The following DNAH17 variants were observed in gnomAD, a reference collection of about 807,000 sequenced individuals.
DNAH17 encodes axonemal beta dynein heavy chain 17.
A neutral mutation model predicts 485.6 loss-of-function variants in DNAH17; 376 were observed. The observed-to-expected ratio is 0.77, with a 90% CI of 0.71 to 0.84. The LOEUF (loss-of-function observed/expected upper bound fraction) is 0.84. Among genes scored for constraint, DNAH17 ranks in the 40% least tolerant of loss-of-function variants. The pLI is 0.00. For missense variants in DNAH17, 6,370 were observed against 5,839.3 expected, an observed-to-expected ratio of 1.09 and a Z score of -2.96; for synonymous variants, 3,031 against 2,405.9, an observed-to-expected ratio of 1.26 and a Z score of -7.60.
At chr17:78,521,189 T>C (rs1338865826) in intron 25 of DNAH17, among the ~76,000 whole-genome samples, 1 of 152,154 alleles carries the variant, frequency 6.6e-6, no homozygotes, top group Non-Finnish European at 1.5e-5. Flanking sequence ...GTGGATCGCT[T>C]GAGGTCATGA....
chr17:78,478,058 T>C (rs1177820645), intron 51 of DNAH17, among the ~76,000 whole-genome samples: 45 of 71,212 alleles, frequency 6.3e-4, no homozygotes, highest in African/African-American at 1.1e-3. Flanking sequence ...ACCATTATCA[T>C]CTCCACCATC....
Position 78,572,798 on chromosome 17 carries a change from C to G in DNAH17, c.442G>C (p.Glu148Gln). 1.2e-6 allele frequency: 2 copies of G among 1,613,920 alleles called. No individual in the cohort carries two copies. Among genetic ancestry groups the G allele is most frequent in the Non-Finnish European group, 1.7e-6 (2 of 1,179,870 alleles). The part of the protein sequence containing the change: ...IVKQVHRLKN[E>Q]MFVMSGKIKG... Reference sequence around the variant, plus strand: ...ATCTTGCCACTCATCACAAACATTTCATTCTTCAGCCTGTGGACCTGCTTC... The same window carrying G: ...ATCTTGCCACTCATCACAAACATTTGATTCTTCAGCCTGTGGACCTGCTTC... Residue 148 changes from glutamate (E) to glutamine (Q), a missense_variant, in exon 3 of 81, where the codon GAA becomes CAA. Coordinates refer to ENST00000389840, the MANE Select transcript of DNAH17 (RefSeq NM_173628.4).
chr17:78,429,101 G>GT lies in DNAH17; in HGVS notation c.12405+19dup. On this transcript the variant is annotated intron_variant, in intron 76 of 80. Transcript: ENST00000389840. ...CGAGCCTTCATTACGTTGAGCTCCT[G>GT]TTTAACTTGTCATCCTTACCTTGTA... 1 of 1,608,746 alleles carries GT rather than the reference G, an allele frequency of 6.2e-7. No homozygotes were observed. Among genetic ancestry groups the GT allele is most frequent in the Admixed American group, 1.7e-5 (1 of 59,912 alleles).
At chr17:78,469,537 G>A (rs1450262836) in intron 54 of DNAH17, among the ~76,000 whole-genome samples, 1 of 152,132 alleles carries the variant, frequency 6.6e-6, no homozygotes, top group African/African-American at 2.4e-5. Context: ...ATCAATTGAG[G>A]CCAGGAGCTC....
At chr17:78,424,348 C>T (rs567276391) in intron 80 of DNAH17, 195 bp from the exon 81 acceptor site, 39 of 621,658 alleles carry the variant, frequency 6.3e-5, no homozygotes, top group South Asian at 7.3e-5. Flanking sequence ...TACCCCGTCC[C>T]GCTGGGCTCA....
intron 66 of DNAH17, 26 bp from the exon 67 acceptor site, chr17:78,450,872 T>C: frequency 1.9e-6 from 3 of 1,611,390 alleles, no homozygotes; most frequent in Non-Finnish European, 2.5e-6. Context: ...CAGGAGTCAC[T>C]GCATTGCCTG....
In DNAH17 at chr17:78,444,762, G is replaced by A. The variant is rs747671049; in HGVS notation, c.11370C>T (p.Asp3790=). Residue 3790 remains aspartate, a synonymous_variant, in exon 71 of 81, where the codon GAC becomes GAT. Transcript: ENST00000389840. ...GCTTGGCAGATCCTTCGATGTCACT[G>A]TCCAGATTTTTGAACTCATCCATCT... ...LSEMDEFKNL[D]SDIEGSAKRW... 10 of 1,591,650 alleles carry A rather than the reference G, an allele frequency of 6.3e-6. No homozygotes were observed. In the East Asian group the frequency reaches 1.6e-4, roughly 25 times the overall value.
At chr17:78,576,295 G>A (rs891832024) in intron 1 of DNAH17, among the ~76,000 whole-genome samples, 5 of 152,300 alleles carry the variant, frequency 3.3e-5, no homozygotes, top group East Asian at 1.9e-4. Flanking sequence ...ACTATATGAT[G>A]GGAAGCAGTA....
chr17:78,472,842 C>G (rs1184084834), intron 54 of DNAH17: 1 of 419,580 alleles, frequency 2.4e-6, no homozygotes, highest in Non-Finnish European at 4.9e-6. Flanking sequence ...CCCAGGTCAC[C>G]CTTCAGCAGT....
intron 17 of DNAH17, 133 bp from the exon 18 acceptor site, chr17:78,540,013 G>T: frequency 1.2e-6 from 1 of 847,796 alleles, no homozygotes; most frequent in Non-Finnish European, 1.6e-6. Flanking sequence ...TGAGCATCTT[G>T]CTGGTGCTGG....
At chr17:78,504,982 G>A (rs563828918) in intron 31 of DNAH17, among the ~76,000 whole-genome samples, 6 of 135,108 alleles carry the variant, frequency 4.4e-5, no homozygotes, top group Admixed American at 8.6e-5. Flanking sequence ...CTTGGCTCAC[G>A]GCAACCTCTG....
At chr17:78,484,589 G>C (rs2089504402) in intron 48 of DNAH17, among the ~76,000 whole-genome samples, 1 of 152,060 alleles carries the variant, frequency 6.6e-6, no homozygotes. Flanking sequence ...CCCTCCGCGG[G>C]GGCTCTAGGC....
At chr17:78,544,285 C>T (rs760704357) in intron 16 of DNAH17, among the ~76,000 whole-genome samples, 2 of 152,168 alleles carry the variant, frequency 1.3e-5, no homozygotes, top group Non-Finnish European at 2.9e-5. Context: ...TGGGGTCACT[C>T]TCAGGAAAGG....
chr17:78,493,968 C>G, intron 41 of DNAH17, 68 bp downstream of exon 41: 3 of 1,533,922 alleles, frequency 2.0e-6, no homozygotes, highest in Non-Finnish European at 2.6e-6. Context: ...GATGGAGGGC[C>G]GACCCTTCGC....
chr17:78,513,420 C>A (rs2090689644), intron 26 of DNAH17, among the ~76,000 whole-genome samples: 1 of 152,088 alleles, frequency 6.6e-6, no homozygotes, highest in South Asian at 2.1e-4. Flanking sequence ...GTAGAGAATC[C>A]CCTTCTCTTT....
intron 77 of DNAH17, among the ~76,000 whole-genome samples, chr17:78,427,639 G>A (rs993317199): frequency 1.3e-5 from 2 of 152,202 alleles, no homozygotes; most frequent in African/African-American, 4.8e-5. Flanking sequence ...GGGAAGTCCT[G>A]TACTTAGCTA....
In DNAH17 at chr17:78,485,968, G is replaced by A. The variant is rs2146648244; in HGVS notation, c.7267C>T (p.Pro2423Ser). 2.5e-6 allele frequency: 4 copies of A among 1,611,958 alleles called. No homozygotes were observed. In the Admixed American group the frequency reaches 5.0e-5, roughly 20 times the overall value. The stretch of plus-strand genomic sequence containing the variant: ...GCTTTGGGGACAGTTACCTGCAGTG[G>A]GACATCGGGATCCAGCTCAAAGGAG... ...VPSFELDPDV[P>S]LQASLVHTTE... Residue 2423 changes from proline to serine, a missense_variant, in exon 46 of 81, where the codon CCA becomes TCA. By Grantham distance (74) the Pro-to-Ser change is moderately conservative. Coordinates refer to ENST00000389840, the MANE Select transcript of DNAH17 (RefSeq NM_173628.4).
In DNAH17 at chr17:78,463,034, T is replaced by C. The variant is rs1373838574; in HGVS notation, c.8984A>G (p.His2995Arg). ...CCTGGACATCTCGTTGACGGTGGTG[T>C]GCACGTAGGACATGAAGAAGCTGAT... The part of the protein sequence containing the change: ...ASISFFMSYV[H>R]TTVNEMSRVY... Residue 2995 changes from histidine (H) to arginine (R), a missense_variant, in exon 57 of 81, where the codon CAC becomes CGC. Coordinates refer to ENST00000389840, the MANE Select transcript of DNAH17 (RefSeq NM_173628.4). 1 of 1,613,958 alleles carries C rather than the reference T, an allele frequency of 6.2e-7. No individual in the cohort carries two copies. The highest frequency in any genetic ancestry group is 2.2e-5 in the East Asian group (1 of 44,888).
intron 77 of DNAH17, 182 bp downstream of exon 77, chr17:78,428,343 C>CT (rs1309838028): frequency 1.4e-6 from 1 of 718,598 alleles, no homozygotes; most frequent in Non-Finnish European, 2.4e-6. Flanking sequence ...GCTGCCACGT[C>CT]TGAGGACCTG....
Sources: allele counts gnomAD v4.1 joint callset (sites outside exome capture counted in the v4.1 genomes callset), GRCh38; gene constraint gnomAD v4.1.1; transcripts MANE v1.5; gene names NCBI Gene and HGNC (gene_info 2026-07-23, HGNC 2026-07-21).